HS6ST3: variants seen among roughly 807,000 people sequenced by gnomAD.
HS6ST3 encodes the protein heparan sulfate 6-O-sulfotransferase 3, also known as heparan-sulfate 6-O-sulfotransferase 3.
In HS6ST3, 12 loss-of-function variants were observed where a neutral mutation model predicts 36.7. The observed-to-expected ratio is 0.33, with a 90% CI of 0.21 to 0.53. The LOEUF (loss-of-function observed/expected upper bound fraction) is 0.53. Ranked by LOEUF, HS6ST3 falls within the 20% of genes least tolerant of loss-of-function variation. The pLI, the probability that HS6ST3 is intolerant of heterozygous loss-of-function variation, is 0.95. For missense variants in HS6ST3, 584 were observed against 640.9 expected (o/e 0.91, Z 0.96); for synonymous variants, 240 against 257.5 (o/e 0.93, Z 0.65).
chr13:96,651,200 GAAGT>G (rs1360226265), intron 1 of HS6ST3, among the ~76,000 whole-genome samples: 5 of 152,022 alleles, frequency 3.3e-5, no homozygotes, highest in Admixed American at 1.3e-4. Flanking sequence ...TATATGCCAG[GAAGT>G]AAGTATTTGT....
chr13:96,665,336 T>C (rs964139160), intron 1 of HS6ST3, among the ~76,000 whole-genome samples: 2 of 152,180 alleles, frequency 1.3e-5, no homozygotes, highest in Admixed American at 1.3e-4. Context: ...GGAGACATCA[T>C]GGTGAGTAAG....
intron 1 of HS6ST3, among the ~76,000 whole-genome samples, chr13:96,147,926 AC>A (rs2054065982): frequency 1.3e-5 from 2 of 152,226 alleles, no homozygotes; most frequent in Admixed American, 1.3e-4. Context: ...TTGTTTTTGA[AC>A]TGTGTGGTCG....
At chr13:96,524,373 AG>A (rs1594799702) in intron 1 of HS6ST3, among the ~76,000 whole-genome samples, 1 of 152,224 alleles carries the variant, frequency 6.6e-6, no homozygotes, top group Non-Finnish European at 1.5e-5. Flanking sequence ...CTGCACCAGG[AG>A]AACTACTGCT....
intron 1 of HS6ST3, among the ~76,000 whole-genome samples, chr13:96,167,695 C>G (rs371286464): frequency 6.6e-6 from 1 of 152,162 alleles, no homozygotes; most frequent in African/African-American, 2.4e-5. Context: ...CATGCTGAAT[C>G]GTGCAAGTAC....
intron 1 of HS6ST3, among the ~76,000 whole-genome samples, chr13:96,411,135 A>ATCT (rs2055505322): frequency 6.6e-6 from 1 of 152,208 alleles, no homozygotes; most frequent in South Asian, 2.1e-4. Context: ...GAAGATTTAG[A>ATCT]TCAATTTTAG....
intron 1 of HS6ST3, among the ~76,000 whole-genome samples, chr13:96,435,969 G>A (rs1430126284): frequency 6.6e-6 from 1 of 152,142 alleles, no homozygotes; most frequent in South Asian, 2.1e-4. Flanking sequence ...GTCGTCTCAG[G>A]CTTTATTTAT....
chr13:96,290,363 G>A (rs1220224506), intron 1 of HS6ST3, among the ~76,000 whole-genome samples: 2 of 152,128 alleles, frequency 1.3e-5, no homozygotes, highest in African/African-American at 2.4e-5. Context: ...TCCAAGGAGA[G>A]GCAGGAGATT....
chr13:96,195,320 C>A (rs993382892), intron 1 of HS6ST3, among the ~76,000 whole-genome samples: 2 of 152,180 alleles, frequency 1.3e-5, no homozygotes, highest in Non-Finnish European at 2.9e-5. Flanking sequence ...TTAATGCCAT[C>A]TTTGAGCTTT....
chr13:96,765,458 A>G (rs984431125), intron 1 of HS6ST3, among the ~76,000 whole-genome samples: 5 of 152,214 alleles, frequency 3.3e-5, no homozygotes, highest in Non-Finnish European at 5.9e-5. Flanking sequence ...GAATTGGATT[A>G]GATCAATGTA....
At chr13:96,404,583 G>A (rs531754915) in intron 1 of HS6ST3, among the ~76,000 whole-genome samples, 32 of 152,304 alleles carry the variant, frequency 2.1e-4, no homozygotes, top group African/African-American at 6.3e-4. Flanking sequence ...TTTGTAGAGC[G>A]ATATAGGAAG....
At chr13:96,740,343 G>C (rs534046473) in intron 1 of HS6ST3, among the ~76,000 whole-genome samples, 3 of 152,102 alleles carry the variant, frequency 2.0e-5, no homozygotes, top group Non-Finnish European at 2.9e-5. Context: ...GAACACAAAG[G>C]CTCCTCTCTG....
At position 96,698,093 on chromosome 13, in the gene HS6ST3, G is replaced by A. The variant is rs189983402; in HGVS notation, c.708-134397G>A. On this transcript the variant is annotated intron_variant, in intron 1 of 1. Coordinates refer to ENST00000376705, the MANE Select transcript of HS6ST3 (RefSeq NM_153456.4). ...AAGTTTTAGGGTACATGTGCACAAC[G>A]TGCAGGTTTGTTACATATGTATACA... 6.0e-4 allele frequency among the ~76,000 whole-genome samples: 91 copies of A among 151,764 alleles called. No individual in the cohort carries two copies. In the East Asian group the frequency reaches 0.017, roughly 28 times the overall value.
At chr13:96,465,733 T>G (rs893095913) in intron 1 of HS6ST3, among the ~76,000 whole-genome samples, 1 of 152,212 alleles carries the variant, frequency 6.6e-6, no homozygotes, top group African/African-American at 2.4e-5. Flanking sequence ...TTGGTTCTGC[T>G]TCTTTAAAAT....
chr13:96,582,940 T>C lies in HS6ST3; in HGVS notation c.708-249550T>C, dbSNP rs377018512. Among the ~76,000 whole-genome samples, 269 of 152,258 alleles carry C rather than the reference T, an allele frequency of 1.8e-3. 7 individuals are homozygous for C. The South Asian group carries it at 0.052, about 30-fold the overall frequency. On this transcript the variant is annotated intron_variant, in intron 1 of 1. Coordinates refer to ENST00000376705, the MANE Select transcript of HS6ST3 (RefSeq NM_153456.4). ...TCCAAATACTGCATGGGATATTTTA[T>C]ACCAAAAATTATTCGTTGTTCATCT... is the stretch of plus-strand genomic sequence containing the variant.
chr13:96,648,011 T>C (rs1289778866), intron 1 of HS6ST3, among the ~76,000 whole-genome samples: 1 of 152,076 alleles, frequency 6.6e-6, no homozygotes, highest in African/African-American at 2.4e-5. Flanking sequence ...TACCACTTGT[T>C]AGAAATGATT....
intron 1 of HS6ST3, among the ~76,000 whole-genome samples, chr13:96,799,372 G>A (rs1001024414): frequency 5.3e-5 from 8 of 152,040 alleles, no homozygotes; most frequent in Non-Finnish European, 1.0e-4. Flanking sequence ...TGATGGTGAG[G>A]AACCAACCCA....
chr13:96,261,151 T>G (rs1238306533), intron 1 of HS6ST3, among the ~76,000 whole-genome samples: 1 of 152,022 alleles, frequency 6.6e-6, no homozygotes, highest in East Asian at 1.9e-4. Flanking sequence ...AAGTTTTATA[T>G]TTAGTTTCAC....
intron 1 of HS6ST3, among the ~76,000 whole-genome samples, chr13:96,301,856 G>A (rs1455962706): frequency 2.0e-5 from 3 of 149,160 alleles, no homozygotes; most frequent in African/African-American, 7.4e-5. Context: ...AACCGAAATT[G>A]CACCACTGCA....
intron 1 of HS6ST3, among the ~76,000 whole-genome samples, chr13:96,317,724 G>GT (rs397938253): frequency 0.38 from 54,081 of 144,080 alleles, 10,038 homozygotes; most frequent in African/African-American, 0.42. Flanking sequence ...GCCAGCATCT[G>GT]TTTTTTTTTT....
Sources: gnomAD v4.1 joint callset for allele counts (sites outside exome capture counted in the v4.1 genomes callset) on GRCh38, gnomAD v4.1.1 for gene constraint, MANE v1.5 for transcripts, NCBI Gene and HGNC (gene_info 2026-07-23, HGNC 2026-07-21) for gene names.